The following POLR1D variants were observed in gnomAD, a reference collection of about 807,000 sequenced individuals.
The protein encoded by POLR1D is DNA-directed RNA polymerases I and III subunit RPAC2.
A neutral mutation model predicts 10.8 loss-of-function variants in POLR1D; 8 were observed. The observed-to-expected ratio is 0.74, with a 90% CI of 0.43 to 1.33. POLR1D has a LOEUF of 1.33. Ranked by LOEUF, POLR1D falls within the 40% of genes most tolerant of loss-of-function variation. POLR1D has a pLI of 0.01. For synonymous variants in POLR1D, 54 were observed against 57.2 expected (o/e 0.94, Z 0.25); for missense variants, 152 against 161.7 (o/e 0.94, Z 0.32).
exon 3 of POLR1D, chr13:27,665,947 G>A (rs1236593378): frequency 6.2e-7 from 1 of 1,613,950 alleles, no homozygotes; most frequent in Non-Finnish European, 8.5e-7. Flanking sequence ...GGTCCAACCG[G>A]CGGTGAGGCT....
intron 1 of POLR1D, among the ~76,000 whole-genome samples, chr13:27,632,111 C>G (rs574792743): frequency 6.6e-6 from 1 of 152,206 alleles, no homozygotes; most frequent in African/African-American, 2.4e-5. Flanking sequence ...ACACTACTAT[C>G]TTCACCACCT....
intron 2 of POLR1D, among the ~76,000 whole-genome samples, chr13:27,655,092 G>T (rs370175110): frequency 6.6e-6 from 1 of 152,028 alleles, no homozygotes; most frequent in African/African-American, 2.4e-5. Context: ...GGAGACAAAG[G>T]GTCATTTGTT....
chr13:27,622,149 C>T, intron 1 of POLR1D, 140 bp downstream of exon 1: 9 of 735,070 alleles, frequency 1.2e-5, no homozygotes, highest in South Asian at 1.1e-4. Flanking sequence ...GGGGAGGAGA[C>T]ATGAATGTGT....
chr13:27,626,640 A>G (rs780224847), downstream of POLR1D, among the ~76,000 whole-genome samples: 9 of 152,232 alleles, frequency 5.9e-5, no homozygotes, highest in Non-Finnish European at 1.2e-4. Context: ...TTGCACTCCA[A>G]TAGCATTTCA....
chr13:27,643,117 A>G (rs1296103557), intron 1 of POLR1D, among the ~76,000 whole-genome samples: 1 of 152,196 alleles, frequency 6.6e-6, no homozygotes, highest in Non-Finnish European at 1.5e-5. Context: ...AAGTACATAT[A>G]TGGCTCTTTA....
intron 1 of POLR1D, among the ~76,000 whole-genome samples, chr13:27,630,540 A>G (rs1286294486): frequency 1.3e-5 from 2 of 151,958 alleles, no homozygotes; most frequent in African/African-American, 2.4e-5. Flanking sequence ...GGCGAAGGGT[A>G]GGGACTCTGA....
intron 2 of POLR1D, among the ~76,000 whole-genome samples, chr13:27,660,281 G>T (rs1956351348): frequency 6.6e-6 from 1 of 152,130 alleles, no homozygotes; most frequent in Admixed American, 6.5e-5. Context: ...TTAGGCCTCT[G>T]CTTCAGTCTT....
chr13:27,645,200 A>G (rs1295594276), intron 1 of POLR1D, among the ~76,000 whole-genome samples: 1 of 152,198 alleles, frequency 6.6e-6, no homozygotes, highest in Non-Finnish European at 1.5e-5. Context: ...CCTCTCCAGT[A>G]TCAGCCTATC....
intron 1 of POLR1D, among the ~76,000 whole-genome samples, chr13:27,629,145 C>T (rs652134): frequency 0.97 from 147,952 of 152,304 alleles, 72,006 homozygotes; most frequent in East Asian, 1. Flanking sequence ...TCCTTAGGAA[C>T]AGAAATTGAT....
downstream of POLR1D, among the ~76,000 whole-genome samples, chr13:27,623,990 T>G (rs1009398766): frequency 1.3e-4 from 20 of 152,152 alleles, no homozygotes; most frequent in Non-Finnish European, 4.4e-5. Flanking sequence ...CTTAAGTAGG[T>G]ATAGCCTAGG....
Position 27,665,777 on chromosome 13 carries a change from CAAAA to C in POLR1D, c.195_198del (p.Lys66ArgfsTer81). On this transcript the variant is annotated frameshift_variant, in exon 3 of 3. Coordinates refer to the POLR1D transcript ENST00000399697. LOFTEE classifies it low-confidence loss of function (END_TRUNC). The stretch of plus-strand genomic sequence containing the variant: ...CTCTCATAAAGAGCAAGACCATGAA[CAAAA>C]AGAGGGCGATAAGGAACCAGCGAAG... 1.2e-6 allele frequency: 2 copies of C among 1,613,822 alleles called. No homozygotes were observed. The highest frequency in any genetic ancestry group is 1.7e-6 in the Non-Finnish European group (2 of 1,179,726).
chr13:27,621,867 T>C, upstream of POLR1D: 2 of 1,096,382 alleles, frequency 1.8e-6, no homozygotes, highest in South Asian at 2.7e-5. Flanking sequence ...CCTCCTTCCG[T>C]CCTCCGCGCC....
At chr13:27,631,864 A>G (rs1434847749) in intron 1 of POLR1D, among the ~76,000 whole-genome samples, 4 of 152,208 alleles carry the variant, frequency 2.6e-5, no homozygotes, top group Non-Finnish European at 5.9e-5. Flanking sequence ...ATTTATAATG[A>G]CATTATTTTG....
chr13:27,627,746 T>C (rs56092217), downstream of POLR1D, among the ~76,000 whole-genome samples: 2 of 135,302 alleles, frequency 1.5e-5, no homozygotes, highest in African/African-American at 2.7e-5. Context: ...TTTTTTTTTT[T>C]TTTTGTCCCA....
chr13:27,658,883 C>T (rs1956331942), intron 2 of POLR1D, among the ~76,000 whole-genome samples: 1 of 152,196 alleles, frequency 6.6e-6, no homozygotes, highest in South Asian at 2.1e-4. Context: ...TTATCTACTG[C>T]CCAATATAAT....
chr13:27,652,077 G>C (rs918305331), intron 2 of POLR1D, among the ~76,000 whole-genome samples: 2 of 152,182 alleles, frequency 1.3e-5, no homozygotes, highest in African/African-American at 4.8e-5. Flanking sequence ...ACCTTCATCA[G>C]GCTGTCAGTA....
chr13:27,625,880 C>T (rs1956003865), downstream of POLR1D, among the ~76,000 whole-genome samples: 1 of 152,052 alleles, frequency 6.6e-6, no homozygotes, highest in Non-Finnish European at 1.5e-5. Flanking sequence ...GGTCACTAGG[C>T]AGTAACAGCA....
chr13:27,646,461 T>A (rs1282762507), intron 1 of POLR1D, among the ~76,000 whole-genome samples: 1 of 152,206 alleles, frequency 6.6e-6, no homozygotes, highest in East Asian at 1.9e-4. Flanking sequence ...GGTCATCAGA[T>A]GAACTTACCT....
At chr13:27,639,032 TTC>T (rs1404306113) in intron 1 of POLR1D, among the ~76,000 whole-genome samples, 7 of 152,182 alleles carry the variant, frequency 4.6e-5, no homozygotes, top group African/African-American at 1.7e-4. Flanking sequence ...TATTTTTTAT[TTC>T]TGCTTTTTGG....
Sources: allele counts gnomAD v4.1 joint callset (sites outside exome capture counted in the v4.1 genomes callset), GRCh38; gene constraint gnomAD v4.1.1; transcripts MANE v1.5; gene names NCBI Gene and HGNC (gene_info 2026-07-23, HGNC 2026-07-21).